The following C1orf21 variants were observed in gnomAD, a reference collection of about 807,000 sequenced individuals.
C1orf21 encodes the protein uncharacterized protein C1orf21.
C1orf21 carries 3 observed loss-of-function variants against 18.7 expected under a neutral mutation model. The ratio of observed to expected loss-of-function variants is 0.16; its 90% CI spans 0.07 to 0.42. The LOEUF (loss-of-function observed/expected upper bound fraction) is 0.42. Ranked by LOEUF, C1orf21 falls within the 10% of genes least tolerant of loss-of-function variation. The pLI, the probability that C1orf21 is intolerant of heterozygous loss-of-function variation, is 0.99. For missense variants in C1orf21, 104 were observed against 143.6 expected, an observed-to-expected ratio of 0.72 and a Z score of 1.41; for synonymous variants, 41 against 46.4, an observed-to-expected ratio of 0.88 and a Z score of 0.47.
At position 184,456,291 on chromosome 1, in the gene C1orf21, G is replaced by A. The variant is rs1265808419; in HGVS notation, c.-124-21095G>A. Among the ~76,000 whole-genome samples, 4 of 152,220 alleles carry A rather than the reference G, an allele frequency of 2.6e-5. No individual in the cohort carries two copies. In the South Asian group the frequency reaches 8.3e-4, roughly 32 times the overall value. ...AGCTTTGTGCTTGAATCAACTCTAT[G>A]CTTAGTTATATTTTCTGAATCTCAT... On this transcript the variant is annotated intron_variant, in intron 1 of 5. Transcript: ENST00000235307.
Position 184,553,172 on chromosome 1 carries a change from A to AT in C1orf21, c.190-37559dup, listed in dbSNP as rs539501632. Among the ~76,000 whole-genome samples the AT allele has an allele frequency of 1.2e-4, 18 of 151,840 alleles. No homozygotes were observed. The South Asian group carries it at 2.9e-3, about 25-fold the overall frequency. ...CAGACACGAGGATGAGGGATGGTGTATTTTTTTTGATTTTAGAATAGGAAA... is the reference window on the plus strand; with the variant it reads ...CAGACACGAGGATGAGGGATGGTGTATTTTTTTTTGATTTTAGAATAGGAAA... On this transcript the variant is annotated intron_variant, in intron 3 of 5. Transcript: ENST00000235307.
rs939604040 is a variant in C1orf21 at position 184,405,179 on chromosome 1, G to A, written c.-125+17811G>A. ...ATCATTATTTGGCATGTTTTTATTA[G>A]ACCCAGTGCTAATAATTCTTTTTTT... On this transcript the variant is annotated intron_variant, in intron 1 of 5. Coordinates refer to ENST00000235307, the MANE Select transcript of C1orf21 (RefSeq NM_030806.4). Among the ~76,000 whole-genome samples the A allele has an allele frequency of 3.3e-5, 5 of 151,954 alleles. No homozygotes were observed. In the South Asian group the frequency reaches 6.3e-4, roughly 19 times the overall value.
At chr1:184,514,731 C>T (rs550058387) in intron 3 of C1orf21, among the ~76,000 whole-genome samples, 1 of 152,096 alleles carries the variant, frequency 6.6e-6, no homozygotes, top group Non-Finnish European at 1.5e-5. Flanking sequence ...AGAAAATAAC[C>T]TCCCTGCTTG....
At chr1:184,605,556 G>A (rs192019031) in intron 5 of C1orf21, among the ~76,000 whole-genome samples, 12 of 152,264 alleles carry the variant, frequency 7.9e-5, no homozygotes, top group Admixed American at 1.3e-4. Context: ...TTGGAGCAGC[G>A]TAGCAGGTAT....
intron 3 of C1orf21, among the ~76,000 whole-genome samples, chr1:184,577,434 T>A (rs1363710283): frequency 6.6e-6 from 1 of 152,092 alleles, no homozygotes; most frequent in African/African-American, 2.4e-5. Context: ...TAAATCTGTG[T>A]CATTTTAAGC....
intron 2 of C1orf21, among the ~76,000 whole-genome samples, chr1:184,494,329 C>G (rs773521480): frequency 1.3e-5 from 2 of 152,212 alleles, no homozygotes; most frequent in South Asian, 4.2e-4. Context: ...AGTCCAGGGC[C>G]GGACTGTACT....
chr1:184,605,443 A>G (rs374014989), intron 5 of C1orf21, among the ~76,000 whole-genome samples: 1 of 152,226 alleles, frequency 6.6e-6, no homozygotes, highest in Non-Finnish European at 1.5e-5. Context: ...AACTTGTTGA[A>G]TGAGTGAATG....
At chr1:184,513,231 G>C (rs1355409148) in intron 3 of C1orf21, among the ~76,000 whole-genome samples, 1 of 152,182 alleles carries the variant, frequency 6.6e-6, no homozygotes, top group Non-Finnish European at 1.5e-5. Context: ...CAAAGGGAGG[G>C]AAAGCAAAAG....
At chr1:184,570,081 C>G (rs1227728067) in intron 3 of C1orf21, among the ~76,000 whole-genome samples, 5 of 152,124 alleles carry the variant, frequency 3.3e-5, no homozygotes, top group Non-Finnish European at 5.9e-5. Context: ...CTTGTTCACC[C>G]TAGAACAAGG....
intron 1 of C1orf21, among the ~76,000 whole-genome samples, chr1:184,439,322 C>T (rs1017558554): frequency 6.6e-6 from 1 of 151,914 alleles, no homozygotes; most frequent in Non-Finnish European, 1.5e-5. Flanking sequence ...CTCTGCCACT[C>T]ATTGGCTGTT....
intron 2 of C1orf21, among the ~76,000 whole-genome samples, chr1:184,482,744 A>C (rs914157811): frequency 1.3e-5 from 2 of 152,214 alleles, no homozygotes; most frequent in African/African-American, 4.8e-5. Context: ...GTACACACAC[A>C]TTTGATCCTT....
intron 2 of C1orf21, among the ~76,000 whole-genome samples, chr1:184,507,126 T>A (rs1201621209): frequency 6.6e-6 from 1 of 152,168 alleles, no homozygotes; most frequent in Non-Finnish European, 1.5e-5. Context: ...TTAGTCTTAC[T>A]CTGTTTTTTC....
At chr1:184,496,736 C>T (rs1181037173) in intron 2 of C1orf21, among the ~76,000 whole-genome samples, 1 of 152,136 alleles carries the variant, frequency 6.6e-6, no homozygotes, top group Admixed American at 6.5e-5. Context: ...CTGTTTTGCA[C>T]CCTGTATGAG....
At chr1:184,550,321 A>G (rs1003661789) in intron 3 of C1orf21, among the ~76,000 whole-genome samples, 2 of 152,224 alleles carry the variant, frequency 1.3e-5, no homozygotes, top group African/African-American at 2.4e-5. Context: ...TTTTAATTTC[A>G]TGGACTGCTC....
At chr1:184,406,141 C>CT (rs1656244779) in intron 1 of C1orf21, among the ~76,000 whole-genome samples, 1 of 152,116 alleles carries the variant, frequency 6.6e-6, no homozygotes, top group Non-Finnish European at 1.5e-5. Flanking sequence ...TGATTTTTCA[C>CT]TTTTTTGGGG....
intron 3 of C1orf21, among the ~76,000 whole-genome samples, chr1:184,525,296 A>G (rs1034349303): frequency 2.6e-5 from 4 of 152,132 alleles, no homozygotes. Flanking sequence ...TCATCGAATT[A>G]TCATAAAATG....
rs78553767 is a variant in C1orf21 at position 184,523,174 on chromosome 1, G to A, written c.189+15492G>A. 3.0e-4 allele frequency among the ~76,000 whole-genome samples: 46 copies of A among 152,248 alleles called. No individual in the cohort carries two copies. The East Asian group carries it at 6.8e-3, about 22-fold the overall frequency. On this transcript the variant is annotated intron_variant, in intron 3 of 5. Transcript: ENST00000235307. ...TTCTCAATTAGTAAATGTAGATTGC[G>A]CATAATGACTTCGTTGCAAGAGTAC...
intron 4 of C1orf21, 80 bp downstream of exon 4, chr1:184,590,895 T>A: frequency 1.6e-6 from 2 of 1,274,184 alleles, no homozygotes; most frequent in South Asian, 2.6e-5. Context: ...CAACTACCCA[T>A]GGATCAAAAA....
intron 2 of C1orf21, among the ~76,000 whole-genome samples, chr1:184,493,998 G>T (rs889516058): frequency 5.9e-5 from 9 of 152,298 alleles, no homozygotes; most frequent in African/African-American, 2.2e-4. Flanking sequence ...ATATGATAAT[G>T]ATTGCCCTCA....
Sources: gnomAD v4.1 joint callset for allele counts (sites outside exome capture counted in the v4.1 genomes callset) on GRCh38, gnomAD v4.1.1 for gene constraint, MANE v1.5 for transcripts, NCBI Gene and HGNC (gene_info 2026-07-23, HGNC 2026-07-21) for gene names.